The following ADAMTSL1 variants were observed in gnomAD, a reference collection of about 807,000 sequenced individuals.
ADAMTSL1 encodes ADAMTS like 1, also known as ADAMTS-like protein 1.
Under a neutral mutation model 201.8 loss-of-function variants are expected in ADAMTSL1, and 126 were observed. That is an observed-to-expected ratio of 0.62 (90% CI 0.54 to 0.72). The LOEUF (loss-of-function observed/expected upper bound fraction) is 0.72, where lower values mean the gene tolerates loss of function less well. ADAMTSL1 is among the 30% of genes least tolerant of loss of function. The probability of loss-of-function intolerance (pLI) is 0.00; values close to 1 mark genes in which losing one functional copy is unlikely to be tolerated. For synonymous variants in ADAMTSL1, 1,121 were observed against 903.4 expected (o/e 1.24, Z -4.32); for missense variants, 2,679 against 2,277.8 (o/e 1.18, Z -3.59).
chr9:18,801,359 T>C (rs916951468), intron 20 of ADAMTSL1, among the ~76,000 whole-genome samples: 1 of 152,236 alleles, frequency 6.6e-6, no homozygotes, highest in African/African-American at 2.4e-5. Flanking sequence ...TATGTAACCA[T>C]TACTATAAAG....
chr9:18,064,954 ATTTTTTTTTTTTTTTTTTTT>A (rs563021690), intron 1 of ADAMTSL1, among the ~76,000 whole-genome samples: 3 of 69,014 alleles, frequency 4.3e-5, no homozygotes, highest in African/African-American at 1.1e-4. Flanking sequence ...TTTGCTAAAG[ATTTTTTTTTTTTTTTTTTTT>A]TTTTTTTTTT....
At chr9:18,168,564 T>C (rs949516126) in intron 2 of ADAMTSL1, among the ~76,000 whole-genome samples, 1 of 151,686 alleles carries the variant, frequency 6.6e-6, no homozygotes, top group African/African-American at 2.4e-5. Context: ...TTTGCTATTG[T>C]GAATAATGCC....
At chr9:18,657,546 A>G (rs560142671) in intron 7 of ADAMTSL1, 93 bp from the exon 8 acceptor site, 3 of 889,698 alleles carry the variant, frequency 3.4e-6, no homozygotes, top group African/African-American at 3.3e-5. Context: ...GCCTAAAACC[A>G]TCAGCACTAC....
chr9:17,964,984 C>T (rs1051280772), intron 1 of ADAMTSL1, among the ~76,000 whole-genome samples: 2 of 152,068 alleles, frequency 1.3e-5, no homozygotes, highest in East Asian at 3.9e-4. Flanking sequence ...AGCTCCTGGC[C>T]TCTAGTGTTC....
intron 2 of ADAMTSL1, among the ~76,000 whole-genome samples, chr9:18,400,503 A>C (rs1817945253): frequency 6.6e-6 from 1 of 152,214 alleles, no homozygotes; most frequent in Non-Finnish European, 1.5e-5. Context: ...TGCCATTTAT[A>C]GTATTGCTAT....
At chr9:18,646,307 T>C (rs562854422) in intron 7 of ADAMTSL1, among the ~76,000 whole-genome samples, 2,632 of 152,266 alleles carry the variant, frequency 0.017, 41 homozygotes, top group Non-Finnish European at 0.027. Context: ...AATGGGGTTT[T>C]CTAGATATAC....
rs57922962 is a variant in ADAMTSL1 at position 18,509,190 on chromosome 9, CAAAAAAAAAAAAAAAAAAAAAAAAA to C, written c.191+4252_191+4276del. Among the ~76,000 whole-genome samples, 28 of 20,464 alleles carry C rather than the reference CAAAAAAAAAAAAAAAAAAAAAAAAA, an allele frequency of 1.4e-3. 1 individual carries two copies. Among genetic ancestry groups the C allele is most frequent in the East Asian group, 2.7e-3 (2 of 740 alleles). 13.4% of individuals were successfully genotyped at this position (20,464 alleles called of 152,430 possible). On this transcript the variant is annotated intron_variant, in intron 2 of 28. Transcript: ENST00000380548. ...TGGGCGACAGAGCGAGACTCCGTCTCAAAAAAAAAAAAAAAAAAAAAAAAAAAAAAAAAAAAAAAAAAGAAATAGA... is the reference window on the plus strand; with the variant it reads ...TGGGCGACAGAGCGAGACTCCGTCTCAAAAAAAAAAAAAAAAAGAAATAGA...
intron 1 of ADAMTSL1, among the ~76,000 whole-genome samples, chr9:17,961,797 C>T (rs1817764523): frequency 1.3e-5 from 2 of 152,194 alleles, no homozygotes; most frequent in South Asian, 4.2e-4. Flanking sequence ...CCCATTTCTG[C>T]CCCATCTAAG....
intron 1 of ADAMTSL1, among the ~76,000 whole-genome samples, chr9:18,132,987 C>G (rs1039386941): frequency 5.3e-5 from 8 of 152,094 alleles, no homozygotes; most frequent in Non-Finnish European, 7.4e-5. Context: ...TTTCACAGTA[C>G]TAAGGAGCTA....
intron 2 of ADAMTSL1, among the ~76,000 whole-genome samples, chr9:18,241,301 CG>C (rs1489616577): frequency 6.6e-6 from 1 of 152,122 alleles, no homozygotes; most frequent in Non-Finnish European, 1.5e-5. Flanking sequence ...CTAATTTCAA[CG>C]TTCAATTATT....
intron 2 of ADAMTSL1, among the ~76,000 whole-genome samples, chr9:18,424,817 C>T (rs1330010839): frequency 6.6e-6 from 1 of 152,126 alleles, no homozygotes; most frequent in African/African-American, 2.4e-5. Flanking sequence ...TGTTCTACAG[C>T]CAGCCTTTCT....
At chr9:17,953,302 C>T (rs1257821917) in intron 1 of ADAMTSL1, among the ~76,000 whole-genome samples, 1 of 152,136 alleles carries the variant, frequency 6.6e-6, no homozygotes, top group African/African-American at 2.4e-5. Context: ...AGAAATGCTA[C>T]CCTTAGAGAT....
chr9:18,085,486 T>TATATATATATATATATATACTGTGTGTGC lies in ADAMTSL1; in HGVS notation c.88-78363_88-78362insTATATACTGTGTGTGCATATATATATATA, dbSNP rs1554692344. On this transcript the variant is annotated intron_variant, in intron 1 of 29. Coordinates refer to the ADAMTSL1 transcript ENST00000680146. Reference sequence around the variant, plus strand: ...ACAAATACACATATGTGTGTGCATATATATATATATATACTGTGTGTGCAT... The same window carrying TATATATATATATATATATACTGTGTGTGC: ...ACAAATACACATATGTGTGTGCATATATATATATATATATATATACTGTGTGTGCATATATATATATACTGTGTGTGCAT... Among the ~76,000 whole-genome samples, 9 of 144,876 alleles carry TATATATATATATATATATACTGTGTGTGC rather than the reference T, an allele frequency of 6.2e-5. No homozygotes were observed. In the East Asian group the frequency reaches 1.8e-3, roughly 30 times the overall value.
At chr9:18,486,779 A>G (rs1248945265) in intron 1 of ADAMTSL1, among the ~76,000 whole-genome samples, 1 of 152,182 alleles carries the variant, frequency 6.6e-6, no homozygotes, top group Non-Finnish European at 1.5e-5. Context: ...CACAAAGCCC[A>G]TAACAGGGAG....
chr9:17,922,382 T>C (rs771641545), intron 1 of ADAMTSL1, among the ~76,000 whole-genome samples: 2 of 152,098 alleles, frequency 1.3e-5, no homozygotes, highest in African/African-American at 2.4e-5. Flanking sequence ...GTTGCATAAT[T>C]CCAGAGGTCA....
At chr9:18,768,455 CTTT>C (rs10659731) in intron 16 of ADAMTSL1, among the ~76,000 whole-genome samples, 1 of 117,010 alleles carries the variant, frequency 8.5e-6, no homozygotes, top group Non-Finnish European at 1.7e-5. Context: ...TGAGCCTCAG[CTTT>C]TTTTTTTTTT....
intron 1 of ADAMTSL1, among the ~76,000 whole-genome samples, chr9:17,962,203 C>A (rs927612049): frequency 6.6e-6 from 1 of 152,078 alleles, no homozygotes; most frequent in African/African-American, 2.4e-5. Context: ...GGCTTACCAG[C>A]CTTAGTTTAA....
intron 14 of ADAMTSL1, chr9:18,718,666 T>C (rs1374490884): frequency 5.7e-6 from 2 of 351,488 alleles, no homozygotes; most frequent in South Asian, 4.5e-5. Flanking sequence ...TTTACACACC[T>C]GACTCTGGGC....
chr9:18,005,120 A>G (rs1047633306), intron 1 of ADAMTSL1, among the ~76,000 whole-genome samples: 2 of 152,112 alleles, frequency 1.3e-5, no homozygotes, highest in African/African-American at 4.8e-5. Flanking sequence ...CGAAGATTCA[A>G]GAGCACATAA....
Sources: allele counts gnomAD v4.1 joint callset (sites outside exome capture counted in the v4.1 genomes callset), GRCh38; gene constraint gnomAD v4.1.1; transcripts MANE v1.5; gene names NCBI Gene and HGNC (gene_info 2026-07-23, HGNC 2026-07-21).